Variants in HTN3 observed in about 807,000 individuals in gnomAD.
The protein encoded by HTN3 is histatin-3.
A neutral mutation model predicts 10.6 loss-of-function variants in HTN3; 15 were observed. The observed-to-expected ratio is 1.42, with a 90% CI of 0.95 to 2.18. The LOEUF (loss-of-function observed/expected upper bound fraction) is 2.18. HTN3 is among the 30% of genes most tolerant of loss of function. The probability of loss-of-function intolerance (pLI) is 0.00; values close to 1 mark genes in which losing one functional copy is unlikely to be tolerated. For synonymous variants in HTN3, 15 were observed against 16.9 expected (o/e 0.89, Z 0.27); for missense variants, 68 against 58.0 (o/e 1.17, Z -0.56).
chr4:70,031,928 G>A, intron 2 of HTN3, 51 bp from the exon 3 acceptor site: 3 of 1,280,850 alleles, frequency 2.3e-6, no homozygotes, highest in African/African-American at 1.5e-5. Context: ...ACATATTCTT[G>A]AATTATGAAA....
rs1136511 is a variant in HTN3 at position 70,033,186 on chromosome 4, G to A, written c.122G>A (p.Arg41Gln). The A allele has an allele frequency of 8.1e-3, 12,979 of 1,605,536 alleles. 931 individuals carry two copies. In the African/African-American group the frequency reaches 0.15, roughly 19 times the overall value. ...RKFHEKHHSH[R>Q]GYRSNYLYDN The stretch of plus-strand genomic sequence containing the variant: ...ATGCAGGAAAAGCATCATTCACATC[G>A]AGGCTATAGATCAAATTATCTGTAT... Residue 41 changes from arginine (R) to glutamine (Q), a missense_variant, in exon 5 of 6, where the codon CGA becomes CAA. Transcript: ENST00000673563.
At chr4:70,028,872 TTC>T (rs2095076672) in intron 1 of HTN3, among the ~76,000 whole-genome samples, 1 of 152,112 alleles carries the variant, frequency 6.6e-6, no homozygotes, top group African/African-American at 2.4e-5. Context: ...TACTGATAGA[TTC>T]TGTCTTGCAA....
chr4:70,034,679 C>A (rs878910404), intron 5 of HTN3, among the ~76,000 whole-genome samples: 2 of 152,094 alleles, frequency 1.3e-5, no homozygotes, highest in African/African-American at 4.8e-5. Context: ...TACCATTTGA[C>A]CTAGCAATCC....
At chr4:70,032,637 T>C (rs578125852) in intron 4 of HTN3, among the ~76,000 whole-genome samples, 1 of 152,212 alleles carries the variant, frequency 6.6e-6, no homozygotes, top group East Asian at 1.9e-4. Context: ...TCAAAAGTTC[T>C]GCTTACTAAT....
At chr4:70,032,021 G>T (rs772562109) in intron 3 of HTN3, 22 bp downstream of exon 3, 1 of 1,565,484 alleles carries the variant, frequency 6.4e-7, no homozygotes, top group South Asian at 1.1e-5. Flanking sequence ...TCATTTACTG[G>T]AAAACTTGAT....
At chr4:70,032,334 A>G (rs189858152) in intron 4 of HTN3, among the ~76,000 whole-genome samples, 2 of 152,178 alleles carry the variant, frequency 1.3e-5, no homozygotes, top group African/African-American at 4.8e-5. Flanking sequence ...TCAATTTTCA[A>G]TTATTCTTTG....
At chr4:70,032,702 T>A (rs1409052166) in intron 4 of HTN3, among the ~76,000 whole-genome samples, 1 of 152,018 alleles carries the variant, frequency 6.6e-6, no homozygotes, top group South Asian at 2.1e-4. Flanking sequence ...TAAAAAGGAA[T>A]GAGGACTGTT....
chr4:70,036,396 T>C lies in HTN3; in HGVS notation c.*163T>C, dbSNP rs1050293689. 2 of 152,236 alleles carry C rather than the reference T, an allele frequency of 1.3e-5. No homozygotes were observed. The highest frequency in any genetic ancestry group is 2.9e-5 in the Non-Finnish European group (2 of 68,030). 9.4% of individuals were successfully genotyped at this position (152,236 alleles called of 1,614,324 possible). The stretch of plus-strand genomic sequence containing the variant: ...AGAAATACCATGATTTAGTGAATTC[T>C]GTGTTTCAGGATACTTCCCTTCCTA... On this transcript the variant is annotated 3_prime_UTR_variant, in exon 6 of 6. Coordinates refer to ENST00000673563, the MANE Select transcript of HTN3 (RefSeq NM_000200.3).
At chr4:70,030,171 G>A (rs1725347636) in intron 1 of HTN3, among the ~76,000 whole-genome samples, 1 of 152,020 alleles carries the variant, frequency 6.6e-6, no homozygotes, top group South Asian at 2.1e-4. Flanking sequence ...GTATTTCATT[G>A]CAGTCTCCCA....
At chr4:70,032,485 C>A (rs567634088) in intron 4 of HTN3, among the ~76,000 whole-genome samples, 1 of 151,972 alleles carries the variant, frequency 6.6e-6, no homozygotes, top group Non-Finnish European at 1.5e-5. Flanking sequence ...TGGTTTCTAT[C>A]TTATAATATT....
chr4:70,029,500 A>G (rs975608207), intron 1 of HTN3, among the ~76,000 whole-genome samples: 1 of 152,012 alleles, frequency 6.6e-6, no homozygotes, highest in Non-Finnish European at 1.5e-5. Context: ...GAAAAACGTT[A>G]CTGTAATGTT....
At chr4:70,030,652 A>C in intron 1 of HTN3, 76 bp from the exon 2 acceptor site, 1 of 966,368 alleles carries the variant, frequency 1.0e-6, no homozygotes, top group Non-Finnish European at 1.7e-6. Flanking sequence ...TTTGAAGCAT[A>C]GTGTCATCAG....
chr4:70,028,896 T>C lies in HTN3; in HGVS notation c.-14+380T>C, dbSNP rs184602438. Among the ~76,000 whole-genome samples, 65 of 152,204 alleles carry C rather than the reference T, an allele frequency of 4.3e-4. 1 individual carries two copies. The East Asian group carries it at 0.011, about 26-fold the overall frequency. On this transcript the variant is annotated intron_variant, in intron 1 of 5. Transcript: ENST00000673563. ...ATTCTGTCTTGCAAATTCATTATTA[T>C]AAAAATTTATTTTTTAATTTACTTT...
chr4:70,028,706 A>G (rs569322180), intron 1 of HTN3, among the ~76,000 whole-genome samples, 190 bp downstream of exon 1: 5 of 152,238 alleles, frequency 3.3e-5, no homozygotes, highest in African/African-American at 9.6e-5. Flanking sequence ...AGCAATCATC[A>G]TGCAAAGTAA....
At chr4:70,033,417 T>A in intron 5 of HTN3, 164 bp downstream of exon 5, 1 of 494,460 alleles carries the variant, frequency 2.0e-6, no homozygotes, top group Non-Finnish European at 3.6e-6. Flanking sequence ...GCTTCTGACT[T>A]TGTAGATATG....
chr4:70,031,652 AC>A (rs1248663105), intron 2 of HTN3, among the ~76,000 whole-genome samples: 2 of 152,138 alleles, frequency 1.3e-5, no homozygotes, highest in African/African-American at 4.8e-5. Context: ...GCTACATAGA[AC>A]ATATTCATAT....
chr4:70,028,746 C>G (rs1043476938), intron 1 of HTN3, among the ~76,000 whole-genome samples: 8 of 152,046 alleles, frequency 5.3e-5, no homozygotes, highest in Non-Finnish European at 2.9e-5. Flanking sequence ...TGTATTACAT[C>G]CTCGCTGATG....
intron 1 of HTN3, among the ~76,000 whole-genome samples, chr4:70,029,060 A>C (rs1388983009): frequency 6.6e-6 from 1 of 151,950 alleles, no homozygotes; most frequent in African/African-American, 2.4e-5. Context: ...ATTTTCATTC[A>C]TTTGTGTTAT....
chr4:70,031,589 A>G (rs1299653563), intron 2 of HTN3, among the ~76,000 whole-genome samples: 1 of 152,186 alleles, frequency 6.6e-6, no homozygotes, highest in African/African-American at 2.4e-5. Context: ...AGAGAAAAGC[A>G]CAATGCCTGT....
Sources: gnomAD v4.1 joint callset for allele counts (sites outside exome capture counted in the v4.1 genomes callset) on GRCh38, gnomAD v4.1.1 for gene constraint, MANE v1.5 for transcripts, NCBI Gene and HGNC (gene_info 2026-07-23, HGNC 2026-07-21) for gene names.